NRROS: variants seen among roughly 807,000 people sequenced by gnomAD.
NRROS encodes the protein negative regulator of reactive oxygen species, also known as transforming growth factor beta activator LRRC33.
In NRROS, 6 loss-of-function variants were observed where a neutral mutation model predicts 12.0. The ratio of observed to expected loss-of-function variants is 0.50; its 90% confidence interval spans 0.27 to 0.98. The LOEUF is 0.98. Ranked by LOEUF, NRROS falls within the 50% of genes least tolerant of loss-of-function variation. The pLI, the probability that NRROS is intolerant of heterozygous loss-of-function variation, is 0.11. For missense variants in NRROS, 857 were observed against 888.2 expected (o/e 0.96, Z 0.45); for synonymous variants, 462 against 410.2 (o/e 1.13, Z -1.53).
chr3:196,660,315 G>C lies in NRROS; in HGVS notation c.672G>C (p.Gly224=), dbSNP rs764961695. Residue 224 remains glycine, a synonymous_variant, in exon 3 of 3, where the codon GGG becomes GGC. Coordinates refer to ENST00000328557, the MANE Select transcript of NRROS (RefSeq NM_198565.3). This position sits in a 1 kb window ranked among gnomAD's most constrained non-coding sequence, Gnocchi z 7.7. The part of the protein sequence containing the change: ...FNNLPCIVDF[G]LTRLRVLNVS... ...ACCTCCCCTGCATCGTGGACTTCGG[G>C]CTCACGCGGCTGCGGGTCCTCAACG... 1.7e-5 allele frequency: 27 copies of C among 1,613,906 alleles called. 1 individual carries two copies. In the South Asian group the frequency reaches 2.7e-4, roughly 16 times the overall value.
rs1176976782 is a variant in NRROS at position 196,660,231 on chromosome 3, C to A, written c.588C>A (p.Ile196=). The A allele has an allele frequency of 6.2e-7, 1 of 1,613,676 alleles. No individual in the cohort carries two copies. Among genetic ancestry groups the A allele is most frequent in the Non-Finnish European group, 8.5e-7 (1 of 1,180,040 alleles). Residue 196 remains isoleucine (I), a synonymous_variant, in exon 3 of 3, where the codon ATC becomes ATA. Transcript: ENST00000328557. This position sits in a 1 kb window ranked among gnomAD's most constrained non-coding sequence, Gnocchi z 7.7. ...TGCAGAGGAACTACATCTTCGAGAT[C>A]GAGGGCGGCGCTTTCGACGGCCTGG... ...LDLQRNYIFE[I]EGGAFDGLAE... is the part of the protein sequence containing the mutation.
chr3:196,661,711 T>G lies in NRROS; in HGVS notation c.2068T>G (p.Ser690Ala). Residue 690 changes from serine to alanine, a missense_variant, in exon 3 of 3, where the codon TCC becomes GCC. Ser to Ala is a moderately conservative substitution (Grantham distance 99, BLOSUM62 1). Transcript: ENST00000328557. ...CATCAAGAGCCGCTGCCACTGGTCC[T>G]CCGTTTACTGACCTGGCTGTGTGCC... is the stretch of plus-strand genomic sequence containing the variant. ...QVIKSRCHWS[S>A]VY The G allele has an allele frequency of 6.3e-7, 1 of 1,589,608 alleles. No homozygotes were observed. The highest frequency in any genetic ancestry group is 8.5e-7 in the Non-Finnish European group (1 of 1,171,948).
Position 196,660,567 on chromosome 3 carries a change from C to T in NRROS, c.924C>T (p.Gly308=), listed in dbSNP as rs139464213. The T allele has an allele frequency of 2.5e-6, 4 of 1,614,032 alleles. No homozygotes were observed. Among genetic ancestry groups the T allele is most frequent in the African/African-American group, 2.7e-5 (2 of 74,922 alleles). ...TGGCCCAGTTCCTCCTCGTGGACGG[C>T]AACGTGACCAACATCACCACCGTCA... ...EMVAQFLLVD[G]NVTNITTVSL... is the part of the protein sequence containing the mutation. The change falls in exon 3 of 3, where the codon GGC becomes GGT. Residue 308 remains glycine, a synonymous_variant. Transcript: ENST00000328557. The surrounding 1 kb of genome is among the most constrained non-coding windows in gnomAD (Gnocchi z 7.7).
At chr3:196,641,357 G>A (rs1036280556) in intron 1 of NRROS, among the ~76,000 whole-genome samples, 1 of 152,080 alleles carries the variant, frequency 6.6e-6, no homozygotes, top group African/African-American at 2.4e-5. Context: ...AGGACAACAG[G>A]TGCACACCAC....
At chr3:196,641,456 C>T (rs1737208011) in intron 1 of NRROS, among the ~76,000 whole-genome samples, 1 of 151,964 alleles carries the variant, frequency 6.6e-6, no homozygotes, top group Non-Finnish European at 1.5e-5. Flanking sequence ...CTCAAGCAAT[C>T]CTCCTGCCTT....
rs1166941957 is a variant in NRROS at position 196,661,886 on chromosome 3, A to T, written c.*164A>T. On this transcript the variant is annotated 3_prime_UTR_variant, in exon 3 of 3. Transcript: ENST00000328557. ...CGCCCACCCCACCCCCGCCCCCACC[A>T]CCGCCCAAGTTCTTTTTCCATCATT... is the stretch of plus-strand genomic sequence containing the variant. The T allele has an allele frequency of 2.8e-6, 1 of 354,356 alleles. No homozygotes were observed. Among genetic ancestry groups the T allele is most frequent in the Non-Finnish European group, 4.5e-6 (1 of 221,438 alleles). The allele number at this position is 354,356 out of a possible 1,614,324, so 22.0% of individuals were successfully genotyped here.
intron 2 of NRROS, among the ~76,000 whole-genome samples, chr3:196,658,772 G>T (rs1215382842): frequency 6.6e-6 from 1 of 152,170 alleles, no homozygotes; most frequent in Admixed American, 6.6e-5. Flanking sequence ...TTCGAGACCA[G>T]CCTGGTCAAC....
intron 1 of NRROS, among the ~76,000 whole-genome samples, chr3:196,641,165 CAAAA>C (rs1737201121): frequency 1.3e-5 from 2 of 151,630 alleles, no homozygotes; most frequent in Non-Finnish European, 2.9e-5. Context: ...CAAAACAAAA[CAAAA>C]CAAACTCAGC....
intron 2 of NRROS, among the ~76,000 whole-genome samples, chr3:196,656,535 A>G (rs1737540387): frequency 6.6e-6 from 1 of 152,232 alleles, no homozygotes; most frequent in African/African-American, 2.4e-5. Context: ...GGGTTAATAC[A>G]TGTAAAGCAC....
At chr3:196,643,026 TTG>T (rs1251489307) in intron 1 of NRROS, among the ~76,000 whole-genome samples, 1 of 150,842 alleles carries the variant, frequency 6.6e-6, no homozygotes, top group Admixed American at 6.6e-5. Context: ...GCCGAGATGA[TTG>T]TGCCATTGCA....
At chr3:196,652,502 G>A (rs1036151104) in intron 1 of NRROS, among the ~76,000 whole-genome samples, 1 of 152,196 alleles carries the variant, frequency 6.6e-6, no homozygotes, top group African/African-American at 2.4e-5. Flanking sequence ...ACAAATAACA[G>A]AGGCAGAATT....
chr3:196,649,083 C>T (rs1404603348), intron 1 of NRROS, among the ~76,000 whole-genome samples: 2 of 152,126 alleles, frequency 1.3e-5, no homozygotes, highest in Non-Finnish European at 2.9e-5. Context: ...GCTCTCACCA[C>T]GGGGGTGTTG....
Position 196,653,943 on chromosome 3 carries a change from C to T in NRROS, c.-13-584C>T, listed in dbSNP as rs1009212350. On this transcript the variant is annotated intron_variant, in intron 1 of 2. Transcript: ENST00000328557. ...CTTCATTTTCCCTCCGTGTTTCCCC[C>T]GTCCAAGCAAAATATCAAACCTCTT... 7.9e-5 allele frequency among the ~76,000 whole-genome samples: 12 copies of T among 152,292 alleles called. 1 individual carries two copies. The South Asian group carries it at 1.5e-3, about 18-fold the overall frequency.
Position 196,660,977 on chromosome 3 carries a change from C to G in NRROS, c.1334C>G (p.Ala445Gly). The change falls in exon 3 of 3, where the codon GCT becomes GGT. Residue 445 changes from alanine (A) to glycine (G), a missense_variant. Transcript: ENST00000328557. This position sits in a 1 kb window ranked among gnomAD's most constrained non-coding sequence, Gnocchi z 7.7. ...CAGATCTCACTTTGTCCCCTGCCAG[C>G]TGCCTCGGACCGGGTGGGCCCCCCT... is the stretch of plus-strand genomic sequence containing the variant. ...HNQISLCPLP[A>G]ASDRVGPPSC... 1 of 1,614,224 alleles carries G rather than the reference C, an allele frequency of 6.2e-7. No individual in the cohort carries two copies. The highest frequency in any genetic ancestry group is 8.5e-7 in the Non-Finnish European group (1 of 1,180,050).
chr3:196,660,981 C>A lies in NRROS; in HGVS notation c.1338C>A (p.Ala446=). 7 of 1,614,208 alleles carry A rather than the reference C, an allele frequency of 4.3e-6. No homozygotes were observed. The highest frequency in any genetic ancestry group is 5.9e-6 in the Non-Finnish European group (7 of 1,180,050). The part of the protein sequence containing the change: ...NQISLCPLPA[A]SDRVGPPSCV... Reference sequence around the variant, plus strand: ...TCTCACTTTGTCCCCTGCCAGCTGCCTCGGACCGGGTGGGCCCCCCTAGCT... The same window carrying A: ...TCTCACTTTGTCCCCTGCCAGCTGCATCGGACCGGGTGGGCCCCCCTAGCT... Residue 446 remains alanine, a synonymous_variant, in exon 3 of 3, where the codon GCC becomes GCA. Coordinates refer to ENST00000328557, the MANE Select transcript of NRROS (RefSeq NM_198565.3). This position sits in a 1 kb window ranked among gnomAD's most constrained non-coding sequence, Gnocchi z 7.7.
intron 1 of NRROS, among the ~76,000 whole-genome samples, chr3:196,643,896 A>G (rs1737255259): frequency 6.6e-6 from 1 of 152,090 alleles, no homozygotes; most frequent in African/African-American, 2.4e-5. Context: ...GTCGTCAGAC[A>G]CCAAGGCTGA....
intron 2 of NRROS, among the ~76,000 whole-genome samples, chr3:196,659,304 T>C (rs1435233522): frequency 6.8e-6 from 1 of 147,946 alleles, no homozygotes; most frequent in African/African-American, 2.5e-5. Flanking sequence ...TCCTTTTTTT[T>C]TTTTTTTTTT....
Position 196,654,499 on chromosome 3 carries a change from T to G in NRROS, c.-13-28T>G. The stretch of plus-strand genomic sequence containing the variant: ...GCCCTCTGGGATGTCCTTCTCTGAC[T>G]TACCTCTTCCCTGCTCTCTGTCCAC... On this transcript the variant is annotated intron_variant, in intron 1 of 2. Coordinates refer to ENST00000328557, the MANE Select transcript of NRROS (RefSeq NM_198565.3). The surrounding 1 kb of genome is among the most constrained non-coding windows in gnomAD (Gnocchi z 4.4). The G allele has an allele frequency of 7.4e-7, 1 of 1,350,566 alleles. No homozygotes were observed. The highest frequency in any genetic ancestry group is 1.1e-6 in the Non-Finnish European group (1 of 939,072). 83.7% of individuals were successfully genotyped at this position (1,350,566 alleles called of 1,614,324 possible).
intron 2 of NRROS, among the ~76,000 whole-genome samples, chr3:196,659,059 C>T (rs547239939): frequency 2.0e-5 from 3 of 152,250 alleles, no homozygotes; most frequent in East Asian, 1.9e-4. Context: ...TTTTGCAAAG[C>T]GTGGGGTGAA....
Sources: gnomAD v4.1 joint callset for allele counts (sites outside exome capture counted in the v4.1 genomes callset) on GRCh38, gnomAD v4.1.1 for gene constraint, Gnocchi (gnomAD v3.1) non-coding constraint, MANE v1.5 for transcripts, NCBI Gene and HGNC (gene_info 2026-07-23, HGNC 2026-07-21) for gene names.